Variants in SLC30A7 observed in about 807,000 individuals in gnomAD.
SLC30A7 encodes the protein zinc transporter 7.
Under a neutral mutation model 46.0 loss-of-function variants are expected in SLC30A7, and 35 were observed. The ratio of observed to expected loss-of-function variants is 0.76; its 90% confidence interval spans 0.58 to 1.01. The LOEUF is 1.01. Among genes scored for constraint, SLC30A7 ranks in the 50% least tolerant of loss-of-function variants. The pLI is 0.00. For synonymous variants in SLC30A7, 147 were observed against 157.8 expected, an observed-to-expected ratio of 0.93 and a Z score of 0.51; for missense variants, 464 against 451.1, an observed-to-expected ratio of 1.03 and a Z score of -0.26.
At chr1:100,928,083 G>A (rs1194827154) in intron 8 of SLC30A7, among the ~76,000 whole-genome samples, 1 of 152,136 alleles carries the variant, frequency 6.6e-6, no homozygotes, top group Non-Finnish European at 1.5e-5. Flanking sequence ...AATGAAAAGA[G>A]TAGAGGTGGA....
chr1:100,896,180 G>C lies in SLC30A7; in HGVS notation c.-83G>C. 8.2e-7 allele frequency: 1 copy of C among 1,225,436 alleles called. No individual in the cohort carries two copies. The highest frequency in any genetic ancestry group is 1.2e-6 in the Non-Finnish European group (1 of 830,726). The allele number at this position is 1,225,436 out of a possible 1,614,324, so 75.9% of individuals were successfully genotyped here. Reference sequence around the variant, plus strand: ...GGACAAGCGCTGGGGATTCCCGTTTGAGGCGTCACTACTGTCACTGCCATC... The same window carrying C: ...GGACAAGCGCTGGGGATTCCCGTTTCAGGCGTCACTACTGTCACTGCCATC... On this transcript the variant is annotated 5_prime_UTR_variant, in exon 1 of 11. Transcript: ENST00000357650.
chr1:100,987,872 G>A, the SLC30A7 span, among the ~76,000 whole-genome samples: 32 of 152,186 alleles, frequency 2.1e-4, no homozygotes, highest in Non-Finnish European at 2.9e-4. Flanking sequence ...TTCATCCTTA[G>A]TTTTAGCATA....
chr1:100,983,509 G>A (rs939718563), downstream of SLC30A7, among the ~76,000 whole-genome samples: 1 of 152,034 alleles, frequency 6.6e-6, no homozygotes, highest in African/African-American at 2.4e-5. Context: ...TGCATAGTCT[G>A]GCACAGTGTA....
At chr1:100,956,097 A>C (rs1405289826) in intron 8 of SLC30A7, among the ~76,000 whole-genome samples, 1 of 152,096 alleles carries the variant, frequency 6.6e-6, no homozygotes, top group African/African-American at 2.4e-5. Context: ...ATCCTAATGA[A>C]AAAAAGAGAT....
intron 8 of SLC30A7, among the ~76,000 whole-genome samples, chr1:100,932,250 A>C (rs1164005880): frequency 1.3e-5 from 2 of 152,064 alleles, no homozygotes; most frequent in Non-Finnish European, 2.9e-5. Flanking sequence ...CCCCATCTCT[A>C]CTAAAAATAC....
Position 100,974,813 on chromosome 1 carries a change from G to A in SLC30A7, c.1087G>A (p.Gly363Arg). 6.3e-7 allele frequency: 1 copy of A among 1,579,178 alleles called. No homozygotes were observed. Among genetic ancestry groups the A allele is most frequent in the Non-Finnish European group, 8.6e-7 (1 of 1,156,682 alleles). Residue 363 changes from glycine (G) to arginine (R), a missense_variant, in exon 11 of 11, where the codon GGA becomes AGA. Gly to Arg is a moderately radical substitution (Grantham distance 125). Coordinates refer to ENST00000357650, the MANE Select transcript of SLC30A7 (RefSeq NM_133496.5). ...TTTTTTTTTTCTTACTTTTCAGGCT[G>A]GAGTGAGACAGCTCTACGTACAGAT... The part of the protein sequence containing the change: ...SQTHNIFTQA[G>R]VRQLYVQIDF...
At chr1:100,961,019 A>C (rs1030510355) in intron 8 of SLC30A7, among the ~76,000 whole-genome samples, 6 of 137,774 alleles carry the variant, frequency 4.4e-5, no homozygotes, top group Admixed American at 8.1e-5. Context: ...CAGTGGTGCG[A>C]TCTCGGCTCA....
the SLC30A7 span, among the ~76,000 whole-genome samples, chr1:100,993,548 T>A: frequency 1.5e-5 from 1 of 67,852 alleles, no homozygotes; most frequent in Non-Finnish European, 3.0e-5. Context: ...CAAGACTCTG[T>A]CGAAAATATA....
At position 100,978,100 on chromosome 1, in the gene SLC30A7, G is replaced by C. The variant is rs917984619; in HGVS notation, c.*3243G>C. ...ATAGATTATATTCCTCAAGATGAAGGGCTTAACATATCCACAGCTTCCTCA... is the reference window on the plus strand; with the variant it reads ...ATAGATTATATTCCTCAAGATGAAGCGCTTAACATATCCACAGCTTCCTCA... On this transcript the variant is annotated 3_prime_UTR_variant, in exon 11 of 11. Transcript: ENST00000357650. The C allele has an allele frequency of 6.6e-6, 1 of 152,140 alleles. No homozygotes were observed. The highest frequency in any genetic ancestry group is 2.4e-5 in the African/African-American group (1 of 41,398). The allele number at this position is 152,140 out of a possible 1,614,324, so 9.4% of individuals were successfully genotyped here. A position where few individuals can be genotyped will look rare whatever the true frequency, so the allele number is the denominator to read the frequency against.
chr1:100,932,638 A>G (rs2101047074), intron 8 of SLC30A7, among the ~76,000 whole-genome samples: 1 of 152,320 alleles, frequency 6.6e-6, no homozygotes, highest in African/African-American at 2.4e-5. Flanking sequence ...ATTGTTTGAT[A>G]TGGGATTGCT....
chr1:100,945,767 C>A (rs534955913), intron 8 of SLC30A7, among the ~76,000 whole-genome samples: 35 of 152,210 alleles, frequency 2.3e-4, no homozygotes, highest in Middle Eastern at 3.4e-3. Flanking sequence ...CTTGGCAATG[C>A]GGGCTCTTTT....
rs537117400 is a variant in SLC30A7, at chr1:100,959,975, A to G, written c.843-1853A>G. 6.6e-5 allele frequency among the ~76,000 whole-genome samples: 10 copies of G among 152,328 alleles called. No homozygotes were observed. The South Asian group carries it at 2.1e-3, about 32-fold the overall frequency. ...ACAATGAAGGGGAAGGAACTGAGTC[A>G]AGAAATATTTAGGATATTAAATCAC... is the stretch of plus-strand genomic sequence containing the variant. On this transcript the variant is annotated intron_variant, in intron 8 of 10. Coordinates refer to ENST00000357650, the MANE Select transcript of SLC30A7 (RefSeq NM_133496.5).
intron 2 of SLC30A7, among the ~76,000 whole-genome samples, chr1:100,905,548 T>C (rs1372938517): frequency 1.3e-5 from 2 of 152,162 alleles, no homozygotes; most frequent in Non-Finnish European, 1.5e-5. Flanking sequence ...TTAGTATGTT[T>C]GATACGTCCA....
rs1219788871 is a variant in SLC30A7, at chr1:100,974,903, G to C, written c.*46G>C. On this transcript the variant is annotated 3_prime_UTR_variant, in exon 11 of 11. Transcript: ENST00000357650. ...ACCTTTTATGGACCAAATTTTTCTG[G>C]TACTGTACGATCCAAAACATTGTAC... 1 of 1,506,334 alleles carries C rather than the reference G, an allele frequency of 6.6e-7. No individual in the cohort carries two copies. Among genetic ancestry groups the C allele is most frequent in the Non-Finnish European group, 9.1e-7 (1 of 1,096,712 alleles). The allele number at this position is 1,506,334 out of a possible 1,614,324, so 93.3% of individuals were successfully genotyped here.
intron 7 of SLC30A7, among the ~76,000 whole-genome samples, chr1:100,920,477 A>G (rs1312943492): frequency 1.3e-5 from 2 of 151,992 alleles, no homozygotes; most frequent in African/African-American, 4.8e-5. Flanking sequence ...TTCTTAAAGG[A>G]CTGTTCTTTT....
At chr1:100,972,812 C>T (rs949911381) in intron 10 of SLC30A7, among the ~76,000 whole-genome samples, 1 of 151,806 alleles carries the variant, frequency 6.6e-6, no homozygotes, top group African/African-American at 2.4e-5. Context: ...TGGTATATAG[C>T]AAGGATTTAT....
the SLC30A7 span, chr1:100,995,328 T>G: frequency 2.2e-6 from 1 of 464,298 alleles, no homozygotes; most frequent in African/African-American, 1.9e-5. Flanking sequence ...TGCCACTAGT[T>G]AGAAAACAAA....
At chr1:100,924,080 G>C (rs1653127062) in intron 8 of SLC30A7, among the ~76,000 whole-genome samples, 2 of 152,146 alleles carry the variant, frequency 1.3e-5, no homozygotes, top group South Asian at 4.1e-4. Flanking sequence ...TCTCCAGGTT[G>C]ACCTTTCTGT....
At chr1:100,919,141 G>A (rs1450473276) in intron 7 of SLC30A7, among the ~76,000 whole-genome samples, 1 of 152,188 alleles carries the variant, frequency 6.6e-6, no homozygotes, top group East Asian at 1.9e-4. Flanking sequence ...GCCATCAATA[G>A]CTAATACATG....
Sources: allele counts gnomAD v4.1 joint callset (sites outside exome capture counted in the v4.1 genomes callset), GRCh38; gene constraint gnomAD v4.1.1; transcripts MANE v1.5; gene names NCBI Gene and HGNC (gene_info 2026-07-23, HGNC 2026-07-21).